MBNL2: variants seen among roughly 807,000 people sequenced by gnomAD.
MBNL2 encodes the protein muscleblind like splicing regulator 2.
MBNL2 carries 17 observed loss-of-function variants against 41.9 expected under a neutral mutation model. The ratio of observed to expected loss-of-function variants is 0.41; its 90% CI spans 0.28 to 0.61. MBNL2 has a LOEUF of 0.61. Ranked by LOEUF, MBNL2 falls within the 20% of genes least tolerant of loss-of-function variation. The pLI is 0.35. For missense variants in MBNL2, 336 were observed against 505.6 expected (o/e 0.66, Z 3.22); for synonymous variants, 195 against 182.9 (o/e 1.07, Z -0.53).
chr13:97,288,106 A>C (rs2055034093), intron 2 of MBNL2, among the ~76,000 whole-genome samples: 1 of 151,990 alleles, frequency 6.6e-6, no homozygotes. Flanking sequence ...TGATTGTCTT[A>C]GTAGGTGAGT....
the MBNL2 span, among the ~76,000 whole-genome samples, chr13:97,150,219 C>T: frequency 6.6e-6 from 1 of 152,198 alleles, no homozygotes; most frequent in Non-Finnish European, 1.5e-5. Context: ...AAGTGATCTG[C>T]CCAGTAATGC....
chr13:97,235,724 C>G (rs1410838001), intron 1 of MBNL2, among the ~76,000 whole-genome samples: 1 of 152,162 alleles, frequency 6.6e-6, no homozygotes, highest in East Asian at 1.9e-4. Context: ...TGTCCGAACC[C>G]TCTGTGGCTC....
chr13:97,301,658 C>T (rs2057633700), intron 2 of MBNL2, among the ~76,000 whole-genome samples: 1 of 152,188 alleles, frequency 6.6e-6, no homozygotes, highest in African/African-American at 2.4e-5. Flanking sequence ...TCATGCTTCA[C>T]TTGGCATTGA....
chr13:97,335,020 C>A (rs934285951), intron 3 of MBNL2, among the ~76,000 whole-genome samples: 2 of 152,198 alleles, frequency 1.3e-5, no homozygotes, highest in Non-Finnish European at 2.9e-5. Context: ...GAAGACCCTA[C>A]CTGAGTGACT....
At chr13:97,152,156 G>C in the MBNL2 span, among the ~76,000 whole-genome samples, 1 of 152,054 alleles carries the variant, frequency 6.6e-6, no homozygotes, top group Non-Finnish European at 1.5e-5. Context: ...GGAACATTCA[G>C]AACATTCTTG....
upstream of MBNL2, among the ~76,000 whole-genome samples, chr13:97,219,958 C>A (rs1489556075): frequency 6.6e-6 from 1 of 152,142 alleles, no homozygotes; most frequent in Non-Finnish European, 1.5e-5. Context: ...TGAAACATTT[C>A]TAAATATTTA....
chr13:97,276,083 A>G lies in MBNL2; in HGVS notation c.-153A>G. 1 of 615,684 alleles carries G rather than the reference A, an allele frequency of 1.6e-6. No individual in the cohort carries two copies. The highest frequency in any genetic ancestry group is 2.7e-5 in the East Asian group (1 of 36,582). 38.1% of individuals were successfully genotyped at this position (615,684 alleles called of 1,614,324 possible). ...TTGCCTGTCCATACACTCTCTCATC[A>G]TCCTGTTCCTTGGATTGGACTTCAC... On this transcript the variant is annotated 5_prime_UTR_variant, in exon 2 of 9. Coordinates refer to ENST00000679496, the MANE Select transcript of MBNL2 (RefSeq NM_001382683.1).
At chr13:97,261,717 C>A (rs942431315) in intron 1 of MBNL2, among the ~76,000 whole-genome samples, 1 of 152,198 alleles carries the variant, frequency 6.6e-6, no homozygotes, top group Admixed American at 6.5e-5. Flanking sequence ...ACCACTTTTG[C>A]AGCAGGTAAA....
At chr13:97,142,635 G>A in the MBNL2 span, among the ~76,000 whole-genome samples, 4 of 152,272 alleles carry the variant, frequency 2.6e-5, no homozygotes, top group African/African-American at 4.8e-5. Flanking sequence ...ACGCCTCCAC[G>A]GCTGCTTTGC....
chr13:97,337,060 C>T (rs1454279149), intron 3 of MBNL2, among the ~76,000 whole-genome samples: 1 of 152,106 alleles, frequency 6.6e-6, no homozygotes, highest in Non-Finnish European at 1.5e-5. Flanking sequence ...CCAAAATTCA[C>T]GTTGAGTCCT....
chr13:97,145,403 G>C, the MBNL2 span, among the ~76,000 whole-genome samples: 2 of 152,174 alleles, frequency 1.3e-5, no homozygotes, highest in Non-Finnish European at 2.9e-5. Flanking sequence ...AAGATATGGA[G>C]AAAAGGAGGG....
At chr13:97,213,356 AACCCCCAAGAAC>A in the MBNL2 span, among the ~76,000 whole-genome samples, 3 of 152,188 alleles carry the variant, frequency 2.0e-5, no homozygotes, top group Non-Finnish European at 4.4e-5. Context: ...TCCAAAATAA[AACCCCCAAGAAC>A]ACCATACTAG....
the MBNL2 span, among the ~76,000 whole-genome samples, chr13:97,191,097 A>T: frequency 6.6e-6 from 1 of 152,154 alleles, no homozygotes; most frequent in African/African-American, 2.4e-5. Context: ...GTCTGATTTT[A>T]AAAAAAGAGT....
intron 7 of MBNL2, among the ~76,000 whole-genome samples, chr13:97,363,418 C>CTGTGTG (rs55745808): frequency 0.059 from 7,988 of 136,528 alleles, 309 homozygotes; most frequent in East Asian, 0.099. Flanking sequence ...GAAAGAAAAA[C>CTGTGTG]TGTGTGTGTG....
the MBNL2 span, among the ~76,000 whole-genome samples, chr13:97,201,882 A>C: frequency 6.6e-6 from 1 of 152,196 alleles, no homozygotes; most frequent in Non-Finnish European, 1.5e-5. Context: ...TCATTTGATC[A>C]AACACCATTT....
chr13:97,349,048 G>C (rs1414143081), intron 5 of MBNL2, among the ~76,000 whole-genome samples: 1 of 152,098 alleles, frequency 6.6e-6, no homozygotes, highest in Non-Finnish European at 1.5e-5. Flanking sequence ...CTAAATCACT[G>C]TTTTTGTTTT....
In MBNL2 at chr13:97,290,537, G is replaced by A. The variant is rs912067782; in HGVS notation, c.174+14128G>A. ...TAAAAATACAAAAAATTAGCCGGGCGCGGTGGCGGGCGCCTGTAGTCCCAG... is the reference window on the plus strand; with the variant it reads ...TAAAAATACAAAAAATTAGCCGGGCACGGTGGCGGGCGCCTGTAGTCCCAG... On this transcript the variant is annotated intron_variant, in intron 2 of 8. Transcript: ENST00000679496. Among the ~76,000 whole-genome samples the A allele has an allele frequency of 6.6e-5, 10 of 152,138 alleles. No individual in the cohort carries two copies. In the South Asian group the frequency reaches 1.0e-3, roughly 16 times the overall value.
intron 5 of MBNL2, 141 bp downstream of exon 5, chr13:97,347,208 T>TG: frequency 1.5e-6 from 1 of 673,568 alleles, no homozygotes. Context: ...GTTTTGCTGT[T>TG]GTTTTCCCCC....
chr13:97,234,562 A>G (rs1460466456), intron 1 of MBNL2, among the ~76,000 whole-genome samples: 2 of 152,202 alleles, frequency 1.3e-5, no homozygotes, highest in Non-Finnish European at 2.9e-5. Flanking sequence ...CCACAACTGC[A>G]TGATGGGATG....
Sources: allele counts gnomAD v4.1 joint callset (sites outside exome capture counted in the v4.1 genomes callset), GRCh38; gene constraint gnomAD v4.1.1; transcripts MANE v1.5; gene names NCBI Gene and HGNC (gene_info 2026-07-23, HGNC 2026-07-21).